Variants in TRAPPC9 observed in about 807,000 individuals in gnomAD.
The protein encoded by TRAPPC9 is trafficking protein particle complex subunit 9.
Under a neutral mutation model 124.0 loss-of-function variants are expected in TRAPPC9, and 83 were observed. That is an observed-to-expected ratio of 0.67 (90% CI 0.56 to 0.80). The LOEUF (loss-of-function observed/expected upper bound fraction) is 0.80. TRAPPC9 is among the 30% of genes least tolerant of loss of function. The probability of loss-of-function intolerance (pLI) is 0.00; values close to 1 mark genes in which losing one functional copy is unlikely to be tolerated. For synonymous variants in TRAPPC9, 638 were observed against 617.5 expected (o/e 1.03, Z -0.49); for missense variants, 1,302 against 1,508.3 (o/e 0.86, Z 2.27).
chr8:140,195,122 ACT>A (rs570484739), intron 17 of TRAPPC9, among the ~76,000 whole-genome samples: 11 of 152,018 alleles, frequency 7.2e-5, no homozygotes, highest in East Asian at 3.9e-4. Context: ...ACTAAAACAC[ACT>A]CAACGATCCA....
intron 7 of TRAPPC9, among the ~76,000 whole-genome samples, chr8:140,385,201 T>C (rs1380632362): frequency 6.6e-6 from 1 of 151,794 alleles, no homozygotes; most frequent in Admixed American, 6.6e-5. Context: ...GCACTAAATG[T>C]CCACAAGAGA....
intron 4 of TRAPPC9, among the ~76,000 whole-genome samples, chr8:140,431,537 C>A (rs2070647303): frequency 6.6e-6 from 1 of 152,124 alleles, no homozygotes. Flanking sequence ...TTTCCTATTT[C>A]AATGCCTTAG....
intron 21 of TRAPPC9, among the ~76,000 whole-genome samples, chr8:139,798,480 G>T (rs748872305): frequency 9.2e-5 from 14 of 152,234 alleles, no homozygotes; most frequent in Admixed American, 5.2e-4. Flanking sequence ...AACCCAGGAT[G>T]AGAAGACGGG....
At chr8:140,229,203 A>G (rs866596405) in intron 16 of TRAPPC9, among the ~76,000 whole-genome samples, 3 of 151,494 alleles carry the variant, frequency 2.0e-5, no homozygotes, top group South Asian at 4.2e-4. Flanking sequence ...GTAGGCAAGC[A>G]GATACATCGA....
At chr8:140,125,068 G>A (rs1296853417) in intron 17 of TRAPPC9, among the ~76,000 whole-genome samples, 1 of 152,202 alleles carries the variant, frequency 6.6e-6, no homozygotes, top group Non-Finnish European at 1.5e-5. Context: ...AAGAGAGATG[G>A]CAACATCCCC....
chr8:139,943,369 G>A (rs956785164), intron 19 of TRAPPC9, among the ~76,000 whole-genome samples: 1 of 152,154 alleles, frequency 6.6e-6, no homozygotes, highest in Non-Finnish European at 1.5e-5. Flanking sequence ...GCCCAGCCGA[G>A]GTGGAGTTTT....
intron 20 of TRAPPC9, among the ~76,000 whole-genome samples, chr8:139,890,247 G>A (rs34701025): frequency 0.14 from 21,273 of 152,278 alleles, 1,712 homozygotes; most frequent in African/African-American, 0.2. Flanking sequence ...GCCCTAAGCC[G>A]TAACAGGGAG....
chr8:140,057,525 G>A (rs1842359283), intron 17 of TRAPPC9, among the ~76,000 whole-genome samples: 2 of 152,188 alleles, frequency 1.3e-5, no homozygotes, highest in Admixed American at 6.5e-5. Flanking sequence ...AAGAAACCCT[G>A]CCACATGCTA....
At chr8:139,762,348 C>A (rs945846444) in intron 21 of TRAPPC9, among the ~76,000 whole-genome samples, 1 of 152,164 alleles carries the variant, frequency 6.6e-6, no homozygotes, top group Admixed American at 6.5e-5. Flanking sequence ...AATACAGTCA[C>A]GCACAGCTTA....
chr8:140,206,928 CCAGA>C (rs1279441835), intron 17 of TRAPPC9, among the ~76,000 whole-genome samples: 1 of 152,108 alleles, frequency 6.6e-6, no homozygotes, highest in African/African-American at 2.4e-5. Flanking sequence ...CCGTCATGTG[CCAGA>C]CAGTCTGCTA....
chr8:140,151,829 T>C (rs894551021), intron 17 of TRAPPC9, among the ~76,000 whole-genome samples: 1 of 152,180 alleles, frequency 6.6e-6, no homozygotes, highest in Admixed American at 6.5e-5. Flanking sequence ...ATATCTGTCT[T>C]CATGCCAATG....
Position 139,731,235 on chromosome 8 carries a change from AG to A in TRAPPC9, c.3280-8del. On this transcript the variant is annotated splice_polypyrimidine_tract_variant and splice_region_variant and intron_variant, in intron 22 of 22. Coordinates refer to ENST00000438773, the MANE Select transcript of TRAPPC9 (RefSeq NM_001160372.4). ...ACTGGCCGGACGGCTGCACCTGAGC[AG>A]GGAGGAGAAAGACACATCAGTCTGG... The A allele has an allele frequency of 6.2e-7, 1 of 1,613,062 alleles. No homozygotes were observed. The highest frequency in any genetic ancestry group is 1.1e-5 in the South Asian group (1 of 91,024).
intron 19 of TRAPPC9, among the ~76,000 whole-genome samples, chr8:139,923,318 T>C (rs185586354): frequency 1.1e-3 from 163 of 152,358 alleles, no homozygotes; most frequent in Non-Finnish European, 1.7e-3. Context: ...CCTGCCTCAG[T>C]GTGACCCTGT....
At chr8:139,902,378 C>T (rs1831075252) in intron 20 of TRAPPC9, among the ~76,000 whole-genome samples, 1 of 152,342 alleles carries the variant, frequency 6.6e-6, no homozygotes, top group Non-Finnish European at 1.5e-5. Flanking sequence ...GGTGATGTGA[C>T]GGCCTCGCTG....
chr8:139,952,355 G>A (rs1251980953), intron 19 of TRAPPC9, among the ~76,000 whole-genome samples: 2 of 152,180 alleles, frequency 1.3e-5, no homozygotes, highest in African/African-American at 4.8e-5. Flanking sequence ...CAGGTGACTT[G>A]CCTAAATCAA....
chr8:139,898,525 G>A (rs1300703371), intron 20 of TRAPPC9, among the ~76,000 whole-genome samples: 4 of 152,142 alleles, frequency 2.6e-5, no homozygotes, highest in Non-Finnish European at 4.4e-5. Flanking sequence ...GCTTGTGTCC[G>A]GGAAGATTTA....
At chr8:140,180,074 G>A (rs1452038956) in intron 17 of TRAPPC9, among the ~76,000 whole-genome samples, 1 of 122,138 alleles carries the variant, frequency 8.2e-6, no homozygotes, top group African/African-American at 3.0e-5. Context: ...CACTTAATGT[G>A]GTTATAGATG....
At chr8:139,934,280 C>CAGAGAGAG (rs34430255) in intron 19 of TRAPPC9, among the ~76,000 whole-genome samples, 1 of 148,804 alleles carries the variant, frequency 6.7e-6, no homozygotes, top group African/African-American at 2.5e-5. Context: ...CAAGTCCAGT[C>CAGAGAGAG]AGAGAGAGAG....
chr8:139,854,616 G>A (rs1827690202), intron 21 of TRAPPC9, among the ~76,000 whole-genome samples: 2 of 152,208 alleles, frequency 1.3e-5, no homozygotes, highest in Non-Finnish European at 2.9e-5. Context: ...TCTGAGCCTC[G>A]GTGAGATGGT....
Sources: gnomAD v4.1 joint callset for allele counts (sites outside exome capture counted in the v4.1 genomes callset) on GRCh38, gnomAD v4.1.1 for gene constraint, MANE v1.5 for transcripts, NCBI Gene and HGNC (gene_info 2026-07-23, HGNC 2026-07-21) for gene names.